BIVM: variants seen among roughly 807,000 people sequenced by gnomAD.
BIVM encodes the protein basic, immunoglobulin-like variable motif containing, also known as basic immunoglobulin-like variable motif-containing protein.
In BIVM, 31 loss-of-function variants were observed where a neutral mutation model predicts 61.4. The observed-to-expected ratio is 0.51, with a 90% confidence interval of 0.38 to 0.68. The LOEUF (loss-of-function observed/expected upper bound fraction) is 0.68, where lower values mean the gene tolerates loss of function less well. Among genes scored for constraint, BIVM ranks in the 30% least tolerant of loss-of-function variants. BIVM has a pLI of 0.00. For missense variants in BIVM, 526 were observed against 596.0 expected, an observed-to-expected ratio of 0.88 and a Z score of 1.22; for synonymous variants, 189 against 210.7, an observed-to-expected ratio of 0.90 and a Z score of 0.89.
At chr13:102,803,421 T>TA (rs1878868056) in intron 1 of BIVM, among the ~76,000 whole-genome samples, 1 of 152,028 alleles carries the variant, frequency 6.6e-6, no homozygotes, top group Non-Finnish European at 1.5e-5. Flanking sequence ...GAGAATCTCT[T>TA]GAATCCAGGA....
chr13:102,833,331 T>TTC (rs1357595343), intron 8 of BIVM, among the ~76,000 whole-genome samples: 1 of 129,198 alleles, frequency 7.7e-6, no homozygotes, highest in South Asian at 2.7e-4. Context: ...GGATGGGTTT[T>TTC]TTTTTTTTTT....
chr13:102,812,063 T>C (rs1027170142), intron 3 of BIVM, among the ~76,000 whole-genome samples: 1 of 152,200 alleles, frequency 6.6e-6, no homozygotes, highest in Non-Finnish European at 1.5e-5. Context: ...TCTGTTTACT[T>C]TTCTTCAGAC....
intron 7 of BIVM, among the ~76,000 whole-genome samples, chr13:102,827,367 T>C (rs997031061): frequency 6.6e-6 from 1 of 152,068 alleles, no homozygotes. Context: ...CTATTTTCCT[T>C]AAATTTGTTT....
intron 2 of BIVM, among the ~76,000 whole-genome samples, chr13:102,805,646 A>C (rs1879017441): frequency 6.6e-6 from 1 of 152,190 alleles, no homozygotes; most frequent in African/African-American, 2.4e-5. Context: ...CATTATTACA[A>C]AAAGAAACTC....
intron 4 of BIVM, among the ~76,000 whole-genome samples, chr13:102,818,570 T>C (rs1056313145): frequency 3.9e-5 from 6 of 152,236 alleles, no homozygotes; most frequent in Non-Finnish European, 7.3e-5. Context: ...CAACAACAAA[T>C]CTGTGTAACT....
chr13:102,825,091 C>G (rs1289349527), intron 7 of BIVM, among the ~76,000 whole-genome samples: 1 of 151,968 alleles, frequency 6.6e-6, no homozygotes, highest in African/African-American at 2.4e-5. Context: ...TACAGGCGCC[C>G]ACCACCATGC....
chr13:102,827,760 A>G (rs1880774522), intron 7 of BIVM, among the ~76,000 whole-genome samples: 1 of 152,196 alleles, frequency 6.6e-6, no homozygotes. Context: ...TGTTCTGAGT[A>G]GCCCTTACAT....
rs890813732 is a variant in BIVM, at chr13:102,822,092, C to T, written c.834C>T (p.Phe278=). Reference sequence around the variant, plus strand: ...GGTTTAGACAAATTAATGACCACTTCCATGTAAAAGGATGCTCTTATGTTC... The same window carrying T: ...GGTTTAGACAAATTAATGACCACTTTCATGTAAAAGGATGCTCTTATGTTC... ...MRWFRQINDH[F]HVKGCSYVLY... Residue 278 remains phenylalanine, a synonymous_variant, in exon 7 of 11, where the codon TTC becomes TTT. Transcript: ENST00000257336. 4.3e-6 allele frequency: 7 copies of T among 1,613,862 alleles called. No individual in the cohort carries two copies. Among genetic ancestry groups the T allele is most frequent in the African/African-American group, 4.0e-5 (3 of 74,910 alleles).
At position 102,807,658 on chromosome 13, in the gene BIVM, T is replaced by C. The variant is rs1410079017; in HGVS notation, c.391T>C (p.Ser131Pro). Reference protein sequence around the residue: ...YNEENSLENLSNSLGKLPLAW... With the variant: ...YNEENSLENLPNSLGKLPLAW... Reference sequence around the variant, plus strand: ...TGAAGAAAATAGCTTGGAAAACTTATCCAACAGCCTGGGCAAGCTACCTCT... The same window carrying C: ...TGAAGAAAATAGCTTGGAAAACTTACCCAACAGCCTGGGCAAGCTACCTCT... The change falls in exon 3 of 11, where the codon TCC (serine) becomes CCC (proline). Residue 131 changes from serine (S) to proline (P), a missense_variant. Ser to Pro is a moderately conservative substitution (Grantham distance 74). Transcript: ENST00000257336. The surrounding 1 kb of genome is among the most constrained non-coding windows in gnomAD (Gnocchi z 4.0). The C allele has an allele frequency of 1.2e-6, 2 of 1,614,126 alleles. No homozygotes were observed. The highest frequency in any genetic ancestry group is 1.7e-5 in the Admixed American group (1 of 60,016).
intron 1 of BIVM, among the ~76,000 whole-genome samples, chr13:102,801,343 T>C (rs1438275059): frequency 6.6e-6 from 1 of 152,058 alleles, no homozygotes; most frequent in African/African-American, 2.4e-5. Context: ...GTTCAGCGAT[T>C]CTCCAGCCTT....
rs554926720 is a variant in BIVM, at chr13:102,809,673, A to G, written c.478+1928A>G. On this transcript the variant is annotated intron_variant, in intron 3 of 10. Coordinates refer to ENST00000257336, the MANE Select transcript of BIVM (RefSeq NM_017693.4). ...ACTAATACATGTCTAATAACAGAAA[A>G]TTTACTGTCTTAACCATTTTTACGT... Among the ~76,000 whole-genome samples the G allele has an allele frequency of 6.6e-5, 10 of 152,262 alleles. No homozygotes were observed. In the South Asian group the frequency reaches 2.1e-3, roughly 32 times the overall value.
intron 2 of BIVM, among the ~76,000 whole-genome samples, chr13:102,806,910 CA>C (rs142964523): frequency 0.057 from 7,689 of 135,090 alleles, 206 homozygotes; most frequent in East Asian, 0.11. Flanking sequence ...AACTCCATCT[CA>C]AAAAAAAAAA....
chr13:102,807,732 G>C lies in BIVM; in HGVS notation c.465G>C (p.Ser155=). ...AATTTGATGGGGTGACCACAAATTC[G>C]AAACACAAATCAGGTAAGGAGGGAG... The part of the protein sequence containing the change: ...KSEFDGVTTN[S]KHKSGNAKKQ... The change falls in exon 3 of 11, where the codon TCG becomes TCC. Residue 155 remains serine, a synonymous_variant. Coordinates refer to ENST00000257336, the MANE Select transcript of BIVM (RefSeq NM_017693.4). This position sits in a 1 kb window ranked among gnomAD's most constrained non-coding sequence, Gnocchi z 4.0. 1.9e-6 allele frequency: 3 copies of C among 1,609,774 alleles called. No individual in the cohort carries two copies. The highest frequency in any genetic ancestry group is 2.5e-6 in the Non-Finnish European group (3 of 1,177,818).
intron 4 of BIVM, among the ~76,000 whole-genome samples, chr13:102,818,215 G>T (rs1454340105): frequency 1.3e-5 from 2 of 152,144 alleles, no homozygotes; most frequent in Non-Finnish European, 2.9e-5. Context: ...CTAAAGTGAG[G>T]CTCAGAGAGG....
At chr13:102,835,262 T>C (rs1881382730) in intron 9 of BIVM, among the ~76,000 whole-genome samples, 1 of 151,864 alleles carries the variant, frequency 6.6e-6, no homozygotes, top group Admixed American at 6.6e-5. Flanking sequence ...GCCTAGGAGA[T>C]TGAGGCTGTA....
At chr13:102,801,037 A>G (rs1878725588) in intron 1 of BIVM, among the ~76,000 whole-genome samples, 1 of 152,252 alleles carries the variant, frequency 6.6e-6, no homozygotes, top group African/African-American at 2.4e-5. Context: ...TAGGCGATGA[A>G]GATTGGCTTT....
chr13:102,806,318 C>T (rs1035291208), intron 2 of BIVM, among the ~76,000 whole-genome samples: 2 of 152,084 alleles, frequency 1.3e-5, no homozygotes, highest in Non-Finnish European at 2.9e-5. Context: ...GGCGCGATCT[C>T]GGCTCACTGC....
intron 8 of BIVM, among the ~76,000 whole-genome samples, chr13:102,831,909 G>A (rs1299146071): frequency 1.3e-5 from 2 of 150,878 alleles, no homozygotes; most frequent in East Asian, 3.9e-4. Flanking sequence ...GCCGGGCGTG[G>A]TGGCAGGCGC....
chr13:102,838,225 T>C (rs901937135), intron 9 of BIVM, among the ~76,000 whole-genome samples: 1 of 152,254 alleles, frequency 6.6e-6, no homozygotes, highest in African/African-American at 2.4e-5. Flanking sequence ...TACCAAATCC[T>C]TTTAGTTCTA....
Sources: allele counts gnomAD v4.1 joint callset (sites outside exome capture counted in the v4.1 genomes callset), GRCh38; gene constraint gnomAD v4.1.1; non-coding constraint Gnocchi (gnomAD v3.1); transcripts MANE v1.5; gene names NCBI Gene and HGNC (gene_info 2026-07-23, HGNC 2026-07-21).